The following NELL1 variants were observed in gnomAD, a reference collection of about 807,000 sequenced individuals.
NELL1 encodes the protein protein kinase C-binding protein NELL1.
Under a neutral mutation model 107.4 loss-of-function variants are expected in NELL1, and 76 were observed. The observed-to-expected ratio is 0.71, with a 90% CI of 0.59 to 0.86. NELL1 has a LOEUF of 0.86. Among genes scored for constraint, NELL1 ranks in the 40% least tolerant of loss-of-function variants. NELL1 has a pLI of 0.00. For missense variants in NELL1, 1,024 were observed against 1,005.5 expected, an observed-to-expected ratio of 1.02 and a Z score of -0.25; for synonymous variants, 353 against 341.2, an observed-to-expected ratio of 1.03 and a Z score of -0.38.
At chr11:20,859,808 G>A (rs1564937411) in intron 4 of NELL1, among the ~76,000 whole-genome samples, 1 of 10,952 alleles carries the variant, frequency 9.1e-5, no homozygotes, top group Admixed American at 2.4e-3. Flanking sequence ...GAGCACAGGA[G>A]GTAGGCGAAC....
At chr11:20,872,087 T>A (rs533554554) in intron 4 of NELL1, among the ~76,000 whole-genome samples, 1 of 148,636 alleles carries the variant, frequency 6.7e-6, no homozygotes. Flanking sequence ...TGGAGCTATA[T>A]CCTGTGGCTG....
At chr11:21,404,005 A>ACCG (rs1554905725) in intron 15 of NELL1, among the ~76,000 whole-genome samples, 16 of 50,958 alleles carry the variant, frequency 3.1e-4, no homozygotes, top group African/African-American at 1.1e-3. Context: ...TCATTCCTGA[A>ACCG]CCCCCCCCCC....
rs34913687 is a variant in NELL1 at position 20,684,019 on chromosome 11, CT to C, written c.184+5973del. On this transcript the variant is annotated intron_variant, in intron 2 of 19. Transcript: ENST00000357134. ...TCTTCAAATATTTTTTCTGTTCGTT[CT>C]TTTTTTTTTTTTTCTGTAGTGACTA... Among the ~76,000 whole-genome samples, 734 of 131,232 alleles carry C rather than the reference CT, an allele frequency of 5.6e-3. 2 individuals carry two copies. Among genetic ancestry groups the C allele is most frequent in the African/African-American group, 0.017 (591 of 35,736 alleles). The allele number at this position is 131,232 out of a possible 152,430, so 86.1% of individuals were successfully genotyped here.
chr11:21,512,385 G>T (rs920982711), intron 15 of NELL1, among the ~76,000 whole-genome samples: 5 of 152,164 alleles, frequency 3.3e-5, no homozygotes, highest in Admixed American at 6.5e-5. Flanking sequence ...TGTTATCAGG[G>T]AGTATGTCAT....
chr11:21,144,708 A>T (rs557568490), intron 13 of NELL1, among the ~76,000 whole-genome samples: 1 of 152,174 alleles, frequency 6.6e-6, no homozygotes, highest in African/African-American at 2.4e-5. Context: ...GGTAGTAGTT[A>T]CTGCAGGTAG....
intron 13 of NELL1, among the ~76,000 whole-genome samples, chr11:21,152,983 A>T (rs1856152508): frequency 6.6e-6 from 1 of 152,056 alleles, no homozygotes; most frequent in African/African-American, 2.4e-5. Flanking sequence ...CATTTACATC[A>T]CCTCTTAGCA....
intron 12 of NELL1, among the ~76,000 whole-genome samples, chr11:21,112,228 C>T (rs930225468): frequency 6.6e-6 from 1 of 151,900 alleles, no homozygotes; most frequent in Non-Finnish European, 1.5e-5. Context: ...TCAATGACCT[C>T]GCAATAACTT....
chr11:21,090,651 A>G (rs1370309377), intron 12 of NELL1, among the ~76,000 whole-genome samples: 1 of 152,096 alleles, frequency 6.6e-6, no homozygotes, highest in Non-Finnish European at 1.5e-5. Context: ...AACTTTGGCT[A>G]CCTCGACCTG....
At chr11:21,503,092 G>A (rs1855186912) in intron 15 of NELL1, among the ~76,000 whole-genome samples, 1 of 152,084 alleles carries the variant, frequency 6.6e-6, no homozygotes, top group Admixed American at 6.6e-5. Context: ...TGTTGGTCAG[G>A]CTGGTCTCGA....
intron 13 of NELL1, among the ~76,000 whole-genome samples, chr11:21,197,157 G>A (rs546559831): frequency 4.6e-5 from 7 of 150,756 alleles, no homozygotes; most frequent in East Asian, 1.9e-4. Flanking sequence ...GATTACAGGC[G>A]TCAGCCACCT....
chr11:21,219,506 G>A (rs549761929), intron 13 of NELL1, among the ~76,000 whole-genome samples: 3 of 152,016 alleles, frequency 2.0e-5, no homozygotes, highest in Non-Finnish European at 2.9e-5. Context: ...CCTATTTTTA[G>A]TTTTGTTGCC....
intron 13 of NELL1, among the ~76,000 whole-genome samples, chr11:21,221,766 C>T (rs1030630518): frequency 6.6e-6 from 1 of 152,108 alleles, no homozygotes; most frequent in Non-Finnish European, 1.5e-5. Context: ...GATCAGGGCT[C>T]ACTGCAGCCT....
chr11:21,132,759 G>C (rs1018517314), intron 13 of NELL1, among the ~76,000 whole-genome samples: 1 of 151,752 alleles, frequency 6.6e-6, no homozygotes, highest in Non-Finnish European at 1.5e-5. Flanking sequence ...TTTCCTTCTT[G>C]ACATGGTGAG....
At chr11:21,426,641 C>A (rs1021535311) in intron 15 of NELL1, among the ~76,000 whole-genome samples, 1 of 152,190 alleles carries the variant, frequency 6.6e-6, no homozygotes, top group African/African-American at 2.4e-5. Context: ...TAGGTTGATT[C>A]TACAGCTGAA....
chr11:20,858,066 C>T (rs1590354024), intron 4 of NELL1, among the ~76,000 whole-genome samples: 1 of 152,102 alleles, frequency 6.6e-6, no homozygotes, highest in Non-Finnish European at 1.5e-5. Flanking sequence ...GGGTAACAAC[C>T]CCACAGGCTG....
chr11:21,169,356 C>T (rs551936020), intron 13 of NELL1, among the ~76,000 whole-genome samples: 3 of 151,802 alleles, frequency 2.0e-5, no homozygotes, highest in African/African-American at 4.9e-5. Context: ...GAAAGAACAG[C>T]ATGTTCTTAT....
chr11:20,959,682 G>T (rs1490126332), intron 11 of NELL1, among the ~76,000 whole-genome samples: 4 of 152,146 alleles, frequency 2.6e-5, no homozygotes, highest in Non-Finnish European at 5.9e-5. Flanking sequence ...GGTGCCTGGG[G>T]TTGAAAGATA....
At chr11:20,996,212 A>G (rs1852087530) in intron 12 of NELL1, among the ~76,000 whole-genome samples, 1 of 152,164 alleles carries the variant, frequency 6.6e-6, no homozygotes, top group South Asian at 2.1e-4. Context: ...AGGTAAGCTA[A>G]GTATTCAGCT....
rs74373740 is a variant in NELL1, at chr11:21,353,068, C to A, written c.1550-17785C>A. Among the ~76,000 whole-genome samples, 953 of 152,214 alleles carry A rather than the reference C, an allele frequency of 6.3e-3. 10 individuals carry two copies. The highest frequency in any genetic ancestry group is 0.022 in the South Asian group (104 of 4,816). On this transcript the variant is annotated intron_variant, in intron 14 of 19. Transcript: ENST00000357134. ...AGCTGAGAGTCTGAGTTGAGAATAGCTCTCCAGTTGGGCAGAAAGATGAAC... is the reference window on the plus strand; with the variant it reads ...AGCTGAGAGTCTGAGTTGAGAATAGATCTCCAGTTGGGCAGAAAGATGAAC...
Sources: gnomAD v4.1 joint callset for allele counts (sites outside exome capture counted in the v4.1 genomes callset) on GRCh38, gnomAD v4.1.1 for gene constraint, MANE v1.5 for transcripts, NCBI Gene and HGNC (gene_info 2026-07-23, HGNC 2026-07-21) for gene names.